The following ABCC4 variants were observed in gnomAD, a reference collection of about 807,000 sequenced individuals.
The protein encoded by ABCC4 is ATP-binding cassette sub-family C member 4.
A neutral mutation model predicts 168.5 loss-of-function variants in ABCC4; 102 were observed. The ratio of observed to expected loss-of-function variants is 0.61; its 90% CI spans 0.52 to 0.71. The LOEUF (loss-of-function observed/expected upper bound fraction) is 0.71. Among genes scored for constraint, ABCC4 ranks in the 30% least tolerant of loss-of-function variants. ABCC4 has a pLI of 0.00. For synonymous variants in ABCC4, 617 were observed against 590.7 expected, an observed-to-expected ratio of 1.04 and a Z score of -0.65; for missense variants, 1,402 against 1,605.8, an observed-to-expected ratio of 0.87 and a Z score of 2.17.
At chr13:95,271,766 A>G (rs2040854033) in intron 1 of ABCC4, among the ~76,000 whole-genome samples, 1 of 152,160 alleles carries the variant, frequency 6.6e-6, no homozygotes, top group African/African-American at 2.4e-5. Flanking sequence ...GCAGCGTGAC[A>G]TAGCTCTGCA....
At chr13:95,286,914 C>T (rs2041270596) in intron 1 of ABCC4, among the ~76,000 whole-genome samples, 1 of 149,370 alleles carries the variant, frequency 6.7e-6, no homozygotes, top group Non-Finnish European at 1.5e-5. Flanking sequence ...TGAGTCCATG[C>T]CATTGCACTC....
Position 95,019,946 on chromosome 13 carries a change from T to C in ABCC4, c.*1629A>G, listed in dbSNP as rs1322419092. 6.6e-6 allele frequency: 1 copy of C among 152,214 alleles called. No individual in the cohort carries two copies. The highest frequency in any genetic ancestry group is 1.5e-5 in the Non-Finnish European group (1 of 68,040). 9.4% of individuals were successfully genotyped at this position (152,214 alleles called of 1,614,324 possible). ...ATATGACTGTCTTTAACCTCAAAAG[T>C]CCAAATAAACATATAGACATTTTGA... On this transcript the variant is annotated 3_prime_UTR_variant, in exon 31 of 31. Coordinates refer to ENST00000645237, the MANE Select transcript of ABCC4 (RefSeq NM_005845.5).
chr13:95,231,482 C>T (rs114699621), intron 4 of ABCC4, among the ~76,000 whole-genome samples: 3,250 of 152,222 alleles, frequency 0.021, 106 homozygotes, highest in African/African-American at 0.073. Context: ...TCTGCCAGAC[C>T]GGGAATCAGG....
chr13:95,262,595 T>C (rs1021425631), intron 1 of ABCC4, among the ~76,000 whole-genome samples: 2 of 151,796 alleles, frequency 1.3e-5, no homozygotes, highest in African/African-American at 4.8e-5. Context: ...CCAACATGCA[T>C]GCTCCCAGCT....
chr13:95,247,363 G>T (rs2040133502), intron 2 of ABCC4, among the ~76,000 whole-genome samples: 1 of 152,164 alleles, frequency 6.6e-6, no homozygotes, highest in African/African-American at 2.4e-5. Flanking sequence ...AGATAAGCCA[G>T]ACAACCTCCT....
At chr13:95,053,587 G>C (rs2032929398) in intron 26 of ABCC4, 1 of 168,550 alleles carries the variant, frequency 5.9e-6, no homozygotes, top group South Asian at 1.7e-4. Flanking sequence ...CATGATTAAA[G>C]TTTGTGCTTC....
At chr13:95,268,898 A>G (rs1480089168) in intron 1 of ABCC4, among the ~76,000 whole-genome samples, 2 of 151,918 alleles carry the variant, frequency 1.3e-5, no homozygotes, top group Non-Finnish European at 2.9e-5. Flanking sequence ...CCCTGGGCCC[A>G]CTTTTCTTTC....
intron 25 of ABCC4, among the ~76,000 whole-genome samples, chr13:95,070,103 G>T (rs1171588539): frequency 1.3e-5 from 2 of 152,160 alleles, no homozygotes; most frequent in African/African-American, 4.8e-5. Flanking sequence ...AATGAGTTGG[G>T]TATGGTGGTG....
chr13:95,068,601 CA>C (rs1344851992), intron 25 of ABCC4, among the ~76,000 whole-genome samples: 3 of 152,160 alleles, frequency 2.0e-5, no homozygotes, highest in Non-Finnish European at 4.4e-5. Context: ...CTAGATGACA[CA>C]GCGAGACTCT....
At chr13:95,238,893 G>C (rs1461501876) in intron 3 of ABCC4, among the ~76,000 whole-genome samples, 1 of 152,112 alleles carries the variant, frequency 6.6e-6, no homozygotes, top group Non-Finnish European at 1.5e-5. Context: ...CTTTTAATCA[G>C]AACTGCTGCC....
intron 8 of ABCC4, among the ~76,000 whole-genome samples, chr13:95,201,904 T>C (rs772715178): frequency 1.3e-5 from 2 of 152,036 alleles, no homozygotes; most frequent in Non-Finnish European, 1.5e-5. Context: ...ACCCGGGAAG[T>C]AGAGGTTGCA....
Position 95,177,892 on chromosome 13 carries a change from G to T in ABCC4, c.1641-99C>A. 3 of 1,494,684 alleles carry T rather than the reference G, an allele frequency of 2.0e-6. No individual in the cohort carries two copies. The African/African-American group carries it at 4.1e-5, about 21-fold the overall frequency. 92.6% of individuals were successfully genotyped at this position (1,494,684 alleles called of 1,614,324 possible). ...AATGCCAACAGAATAACCCAAGAAG[G>T]TGCTTCACACAGGACGCAATACACA... On this transcript the variant is annotated intron_variant, in intron 12 of 30. Coordinates refer to ENST00000645237, the MANE Select transcript of ABCC4 (RefSeq NM_005845.5).
At chr13:95,283,826 A>C (rs2041191062) in intron 1 of ABCC4, among the ~76,000 whole-genome samples, 1 of 151,106 alleles carries the variant, frequency 6.6e-6, no homozygotes, top group South Asian at 2.1e-4. Flanking sequence ...TGAACCCAGG[A>C]GGCAGAGGTT....
rs139102176 is a variant in ABCC4 at position 95,235,133 on chromosome 13, C to T, written c.307-299G>A. The stretch of plus-strand genomic sequence containing the variant: ...CCCGAACTCCTAGCCTCAAGTGATC[C>T]TCCCACCTCAGCCTCCCAAAGTGCT... On this transcript the variant is annotated intron_variant, in intron 3 of 30. Transcript: ENST00000645237. Among the ~76,000 whole-genome samples the T allele has an allele frequency of 3.3e-5, 5 of 152,166 alleles. No homozygotes were observed. The East Asian group carries it at 9.7e-4, about 29-fold the overall frequency.
chr13:95,272,771 C>A (rs989293152), intron 1 of ABCC4, among the ~76,000 whole-genome samples: 1 of 133,246 alleles, frequency 7.5e-6, no homozygotes, highest in African/African-American at 3.4e-5. Flanking sequence ...GCCTGTAATC[C>A]CCGCTACTCG....
At chr13:95,107,410 T>C (rs1453493071) in intron 20 of ABCC4, among the ~76,000 whole-genome samples, 1 of 152,270 alleles carries the variant, frequency 6.6e-6, no homozygotes, top group African/African-American at 2.4e-5. Flanking sequence ...CTCTTTAGTA[T>C]ACTTATGTAA....
intron 25 of ABCC4, among the ~76,000 whole-genome samples, chr13:95,064,256 GTGTGTATATATA>G (rs1220948457): frequency 4.5e-3 from 68 of 15,156 alleles, no homozygotes; most frequent in Admixed American, 7.7e-3. Context: ...GTGTGTGTGT[GTGTGTATATATA>G]TATATATATA....
chr13:95,073,267 A>G lies in ABCC4; in HGVS notation c.2955T>C (p.Tyr985=), dbSNP rs62637636. The G allele has an allele frequency of 5.3e-5, 85 of 1,613,892 alleles. No homozygotes were observed. In the African/African-American group the frequency reaches 9.2e-4, roughly 17 times the overall value. Residue 985 remains tyrosine, a synonymous_variant, in exon 24 of 31, where the codon TAT becomes TAC. Transcript: ENST00000645237. ...GAAACATCCCCATGAGCGTGAGGGC[A>G]TAGGACAGTGCCAAACCAACCTGCC... ...DAGQVGLALS[Y]ALTLMGMFQW...
rs569612426 is a variant in ABCC4 at position 95,209,655 on chromosome 13, C to G, written c.622-58G>C. On this transcript the variant is annotated intron_variant, in intron 5 of 30. Coordinates refer to ENST00000645237, the MANE Select transcript of ABCC4 (RefSeq NM_005845.5). ...TCCAGAAAAGCAAAACCAGTAAGAA[C>G]ACAGTACAGAAACGATCCACTGGAA... is the stretch of plus-strand genomic sequence containing the variant. 7 of 1,510,566 alleles carry G rather than the reference C, an allele frequency of 4.6e-6. No individual in the cohort carries two copies. The South Asian group carries it at 8.8e-5, about 19-fold the overall frequency. 93.6% of individuals were successfully genotyped at this position (1,510,566 alleles called of 1,614,324 possible). A position where few individuals can be genotyped will look rare whatever the true frequency, so the allele number is the denominator to read the frequency against.
Sources: allele counts gnomAD v4.1 joint callset (sites outside exome capture counted in the v4.1 genomes callset), GRCh38; gene constraint gnomAD v4.1.1; transcripts MANE v1.5; gene names NCBI Gene and HGNC (gene_info 2026-07-23, HGNC 2026-07-21).